DYNC1I2: variants seen among roughly 807,000 people sequenced by gnomAD.
DYNC1I2 encodes cytoplasmic dynein 1 intermediate chain 2.
DYNC1I2 carries 53 observed loss-of-function variants against 88.6 expected under a neutral mutation model. The observed-to-expected ratio is 0.60, with a 90% CI of 0.48 to 0.75. The LOEUF (loss-of-function observed/expected upper bound fraction) is 0.75. DYNC1I2 is among the 30% of genes least tolerant of loss of function. The pLI, the probability that DYNC1I2 is intolerant of heterozygous loss-of-function variation, is 0.00. For missense variants in DYNC1I2, 458 were observed against 766.6 expected (o/e 0.60, Z 4.75); for synonymous variants, 198 against 254.6 (o/e 0.78, Z 2.12).
rs1334103432 is a variant in DYNC1I2, at chr2:171,728,338, C to T, written c.1177C>T (p.Gln393Ter). The T allele has an allele frequency of 6.2e-7, 1 of 1,605,634 alleles. No individual in the cohort carries two copies. ...PVYCVNVVGT[Q>*]NAHNLISIST... is the part of the protein sequence containing the mutation. ...ATATTGTGTAAATGTTGTTGGAACA[C>T]AAAATGCTCACAATCTGATTAGCAT... The change falls in exon 13 of 18, where the codon CAA becomes TAA. Residue 393 changes from glutamine (Q) to a stop codon, truncating the protein, a stop_gained. Transcript: ENST00000397119. LOFTEE classifies it high-confidence loss of function.
At position 171,729,933 on chromosome 2, in the gene DYNC1I2, A is replaced by G. The variant is rs1688498415; in HGVS notation, c.1536+80A>G. 4.0e-6 allele frequency: 6 copies of G among 1,494,114 alleles called. No individual in the cohort carries two copies. The Admixed American group carries it at 1.2e-4, about 29-fold the overall frequency. The allele number at this position is 1,494,114 out of a possible 1,614,324, so 92.6% of individuals were successfully genotyped here. A position where few individuals can be genotyped will look rare whatever the true frequency, so the allele number is the denominator to read the frequency against. On this transcript the variant is annotated intron_variant, in intron 15 of 17. Transcript: ENST00000397119. Reference sequence around the variant, plus strand: ...ATCTAATACTACATAGGAATGATGAAAACCTTTTAAATCATAATTGTTTGC... The same window carrying G: ...ATCTAATACTACATAGGAATGATGAGAACCTTTTAAATCATAATTGTTTGC...
Position 171,690,138 on chromosome 2 carries a change from G to T in DYNC1I2, c.-9-9G>T. 6.6e-7 allele frequency: 1 copy of T among 1,512,328 alleles called. No individual in the cohort carries two copies. The highest frequency in any genetic ancestry group is 8.9e-7 in the Non-Finnish European group (1 of 1,122,128). 93.7% of individuals were successfully genotyped at this position (1,512,328 alleles called of 1,614,324 possible). A position where few individuals can be genotyped will look rare whatever the true frequency, so the allele number is the denominator to read the frequency against. On this transcript the variant is annotated splice_polypyrimidine_tract_variant and intron_variant, in intron 1 of 17. Transcript: ENST00000397119. Reference sequence around the variant, plus strand: ...GCTTTTACTAACATAATGATTATATGTTTCTAAGGTCACAAACATGTCAGA... The same window carrying T: ...GCTTTTACTAACATAATGATTATATTTTTCTAAGGTCACAAACATGTCAGA...
intron 3 of DYNC1I2, among the ~76,000 whole-genome samples, chr2:171,694,906 G>T (rs1161297965): frequency 6.6e-6 from 1 of 152,036 alleles, no homozygotes; most frequent in Admixed American, 6.5e-5. Flanking sequence ...TCCAACACTG[G>T]GGATTACATC....
intron 15 of DYNC1I2, among the ~76,000 whole-genome samples, chr2:171,739,067 G>C (rs1689212278): frequency 1.4e-5 from 2 of 137,950 alleles, no homozygotes; most frequent in South Asian, 4.4e-4. Context: ...AGTGAGCCAA[G>C]ATCACACCAT....
At position 171,706,583 on chromosome 2, in the gene DYNC1I2, G is replaced by A; in HGVS notation, c.244+19G>A. ...TACTGGGGTAAGGAAGTTCCCATAA[G>A]TCTTGCCTTGTTTATTTGCATGCAT... On this transcript the variant is annotated intron_variant, in intron 4 of 17. Transcript: ENST00000397119. 1 of 1,609,606 alleles carries A rather than the reference G, an allele frequency of 6.2e-7. No homozygotes were observed. The highest frequency in any genetic ancestry group is 8.5e-7 in the Non-Finnish European group (1 of 1,176,726).
intron 6 of DYNC1I2, among the ~76,000 whole-genome samples, 165 bp from the exon 7 acceptor site, chr2:171,715,163 A>G (rs1271629139): frequency 6.8e-6 from 1 of 146,478 alleles, no homozygotes; most frequent in Non-Finnish European, 1.5e-5. Flanking sequence ...CTACCTTCTC[A>G]TTCTTTTGCT....
chr2:171,726,595 CATTTAAAAT>C lies in DYNC1I2; in HGVS notation c.871-194_871-186del, dbSNP rs1688271775. 5 of 619,258 alleles carry C rather than the reference CATTTAAAAT, an allele frequency of 8.1e-6. No individual in the cohort carries two copies. The East Asian group carries it at 1.6e-4, about 19-fold the overall frequency. 38.4% of individuals were successfully genotyped at this position (619,258 alleles called of 1,614,324 possible). A position where few individuals can be genotyped will look rare whatever the true frequency, so the allele number is the denominator to read the frequency against. Reference sequence around the variant, plus strand: ...TTAATTAAATGTTTTAACATTAAAACATTTAAAATAATTAACTGTTCTAATTTAAAATTG... The same window carrying C: ...TTAATTAAATGTTTTAACATTAAAACAATTAACTGTTCTAATTTAAAATTG... On this transcript the variant is annotated intron_variant, in intron 10 of 17. Coordinates refer to ENST00000397119, the MANE Select transcript of DYNC1I2 (RefSeq NM_001378.3).
At chr2:171,718,931 A>G (rs1432713980) in intron 7 of DYNC1I2, among the ~76,000 whole-genome samples, 8 of 152,242 alleles carry the variant, frequency 5.3e-5, no homozygotes, top group Admixed American at 5.2e-4. Context: ...CAGAGCTAGT[A>G]GCTATGATTG....
intron 3 of DYNC1I2, among the ~76,000 whole-genome samples, chr2:171,704,936 A>G (rs1458152398): frequency 6.6e-6 from 1 of 152,110 alleles, no homozygotes; most frequent in Non-Finnish European, 1.5e-5. Flanking sequence ...CTTCTGTGGT[A>G]TACATTATTT....
At chr2:171,690,419 G>A (rs2105447169) in intron 2 of DYNC1I2, among the ~76,000 whole-genome samples, 156 bp downstream of exon 2, 1 of 152,190 alleles carries the variant, frequency 6.6e-6, no homozygotes, top group East Asian at 1.9e-4. Context: ...ATAATTTCAG[G>A]ATAGTTAAAA....
chr2:171,734,519 T>C (rs1176299070), intron 15 of DYNC1I2, among the ~76,000 whole-genome samples: 2 of 152,192 alleles, frequency 1.3e-5, no homozygotes, highest in Non-Finnish European at 2.9e-5. Flanking sequence ...AGAAGACTCA[T>C]TTATTCATTC....
At chr2:171,719,619 C>T (rs1392079409) in intron 7 of DYNC1I2, among the ~76,000 whole-genome samples, 1 of 152,156 alleles carries the variant, frequency 6.6e-6, no homozygotes, top group Non-Finnish European at 1.5e-5. Flanking sequence ...CCGTGACTTA[C>T]CAAATTGAAG....
intron 7 of DYNC1I2, among the ~76,000 whole-genome samples, chr2:171,716,313 A>G (rs1687489859): frequency 6.6e-6 from 1 of 152,216 alleles, no homozygotes; most frequent in South Asian, 2.1e-4. Context: ...TAAGTGAGAT[A>G]AGTAATGATT....
chr2:171,737,805 A>AT (rs71921844), intron 15 of DYNC1I2, among the ~76,000 whole-genome samples: 29 of 147,490 alleles, frequency 2.0e-4, no homozygotes, highest in South Asian at 4.3e-4. Flanking sequence ...TGAGTAGATG[A>AT]TTTTTTTTTT....
intron 15 of DYNC1I2, among the ~76,000 whole-genome samples, chr2:171,738,558 A>G (rs1475033248): frequency 6.6e-6 from 1 of 152,214 alleles, no homozygotes; most frequent in Non-Finnish European, 1.5e-5. Flanking sequence ...TTGTGAGCAT[A>G]ATTGTAGATG....
At chr2:171,696,850 C>T (rs1229490922) in intron 3 of DYNC1I2, among the ~76,000 whole-genome samples, 1 of 152,146 alleles carries the variant, frequency 6.6e-6, no homozygotes, top group Non-Finnish European at 1.5e-5. Flanking sequence ...ATTTCTGATA[C>T]AGAAAATCAC....
intron 7 of DYNC1I2, among the ~76,000 whole-genome samples, chr2:171,724,198 A>G (rs1023771841): frequency 2.0e-5 from 3 of 152,198 alleles, no homozygotes; most frequent in Admixed American, 6.5e-5. Context: ...TGTGTGCATT[A>G]TACAGTGTCA....
In DYNC1I2 at chr2:171,705,204, T is replaced by G. The variant is rs1686588202; in HGVS notation, c.227-1343T>G. 2.6e-5 allele frequency among the ~76,000 whole-genome samples: 4 copies of G among 152,266 alleles called. No individual in the cohort carries two copies. The South Asian group carries it at 8.3e-4, about 32-fold the overall frequency. ...AACTGGCTGTTAATGTATCTGTTTA[T>G]CTGTGTAATTAGTATTTAGCCTGTT... On this transcript the variant is annotated intron_variant, in intron 3 of 17. Coordinates refer to ENST00000397119, the MANE Select transcript of DYNC1I2 (RefSeq NM_001378.3).
Position 171,695,156 on chromosome 2 carries a change from A to G in DYNC1I2, c.226+2262A>G, listed in dbSNP as rs367936458. On this transcript the variant is annotated intron_variant, in intron 3 of 17. Coordinates refer to ENST00000397119, the MANE Select transcript of DYNC1I2 (RefSeq NM_001378.3). ...GCCCTGTCGCCCAGGCTGTAGTGCAATCACGTGATCTCAGCTCACTGCAAC... is the reference window on the plus strand; with the variant it reads ...GCCCTGTCGCCCAGGCTGTAGTGCAGTCACGTGATCTCAGCTCACTGCAAC... Among the ~76,000 whole-genome samples, 184 of 151,906 alleles carry G rather than the reference A, an allele frequency of 1.2e-3. 2 individuals are homozygous for G. Among genetic ancestry groups the G allele is most frequent in the African/African-American group, 4.2e-3 (173 of 41,416 alleles).
Sources: gnomAD v4.1 joint callset for allele counts (sites outside exome capture counted in the v4.1 genomes callset) on GRCh38, gnomAD v4.1.1 for gene constraint, MANE v1.5 for transcripts, NCBI Gene and HGNC (gene_info 2026-07-23, HGNC 2026-07-21) for gene names.